RBFOX1: variants seen among roughly 807,000 people sequenced by gnomAD.
RBFOX1 encodes the protein RNA binding fox-1 homolog 1.
Under a neutral mutation model 57.7 loss-of-function variants are expected in RBFOX1, and 8 were observed. That is an observed-to-expected ratio of 0.14 (90% CI 0.08 to 0.25). The LOEUF (loss-of-function observed/expected upper bound fraction) is 0.25, where lower values mean the gene tolerates loss of function less well. RBFOX1 is among the 10% of genes least tolerant of loss of function. The pLI, the probability that RBFOX1 is intolerant of heterozygous loss-of-function variation, is 1.00. For missense variants in RBFOX1, 611 were observed against 548.5 expected, an observed-to-expected ratio of 1.11 and a Z score of -1.14; for synonymous variants, 326 against 222.4, an observed-to-expected ratio of 1.47 and a Z score of -4.15.
intron 5 of RBFOX1, among the ~76,000 whole-genome samples, chr16:7,554,235 C>T (rs1160902758): frequency 1.3e-5 from 2 of 152,218 alleles, no homozygotes; most frequent in African/African-American, 4.8e-5. Context: ...CAAAGAGTAG[C>T]AGGCAAAGGA....
At chr16:6,738,079 TA>T (rs60577324) in intron 3 of RBFOX1, among the ~76,000 whole-genome samples, 31,607 of 140,096 alleles carry the variant, frequency 0.23, 3,862 homozygotes, top group South Asian at 0.32. Flanking sequence ...CGGTAATTCT[TA>T]AAAAAAAAAA....
intron 4 of RBFOX1, among the ~76,000 whole-genome samples, chr16:7,172,104 A>C (rs2080818641): frequency 6.6e-6 from 1 of 152,226 alleles, no homozygotes; most frequent in Non-Finnish European, 1.5e-5. Context: ...CTCATCTGTA[A>C]AATGAAACAT....
At chr16:6,282,681 C>T (rs972177475) in intron 1 of RBFOX1, among the ~76,000 whole-genome samples, 8 of 152,030 alleles carry the variant, frequency 5.3e-5, no homozygotes, top group Non-Finnish European at 1.2e-4. Flanking sequence ...ATGATGGTTT[C>T]CAGCTTCATC....
Position 5,985,118 on chromosome 16 carries a change from C to G in RBFOX1, c.351+117783C>G, listed in dbSNP as rs2060260764. 8.0e-5 allele frequency among the ~76,000 whole-genome samples: 12 copies of G among 150,586 alleles called. No individual in the cohort carries two copies. In the South Asian group the frequency reaches 2.6e-3, roughly 32 times the overall value. Reference sequence around the variant, plus strand: ...CTCCTGTCTCAGCCTCCTGAGTAGCCAGGACTACAGGCACCCGCCACCATA... The same window carrying G: ...CTCCTGTCTCAGCCTCCTGAGTAGCGAGGACTACAGGCACCCGCCACCATA... On this transcript the variant is annotated intron_variant, in intron 4 of 19. Transcript: ENST00000641259.
intron 3 of RBFOX1, among the ~76,000 whole-genome samples, chr16:5,732,483 T>C (rs2052414682): frequency 6.6e-6 from 1 of 152,110 alleles, no homozygotes; most frequent in South Asian, 2.1e-4. Context: ...CTAGGGCACT[T>C]GTCAAAATGT....
intron 1 of RBFOX1, among the ~76,000 whole-genome samples, chr16:6,021,533 G>A (rs1437843505): frequency 6.6e-6 from 1 of 152,224 alleles, no homozygotes; most frequent in Non-Finnish European, 1.5e-5. Flanking sequence ...AAAAAGTGGG[G>A]CTGACTCAAA....
intron 2 of RBFOX1, among the ~76,000 whole-genome samples, chr16:6,619,410 G>C (rs1006180206): frequency 6.6e-6 from 1 of 152,156 alleles, no homozygotes; most frequent in African/African-American, 2.4e-5. Flanking sequence ...GCTTGTTGAT[G>C]TTCCCTTTTT....
At chr16:5,861,961 T>G (rs796473965) in intron 3 of RBFOX1, among the ~76,000 whole-genome samples, 2 of 152,126 alleles carry the variant, frequency 1.3e-5, no homozygotes, top group Non-Finnish European at 2.9e-5. Context: ...GTACGTGAGA[T>G]TAAAGTTTTA....
At position 7,033,541 on chromosome 16, in the gene RBFOX1, A is replaced by G. The variant is rs376336772; in HGVS notation, c.-15-18516A>G. Among the ~76,000 whole-genome samples, 50 of 152,312 alleles carry G rather than the reference A, an allele frequency of 3.3e-4. No individual in the cohort carries two copies. The East Asian group carries it at 3.5e-3, about 11-fold the overall frequency. On this transcript the variant is annotated intron_variant, in intron 3 of 15. Transcript: ENST00000550418. ...TCTCAAAAACTGAAAACAATGGTGAATGTGAACGTCCTTTAAGAGGACAGA... is the reference window on the plus strand; with the variant it reads ...TCTCAAAAACTGAAAACAATGGTGAGTGTGAACGTCCTTTAAGAGGACAGA...
chr16:5,998,478 G>T (rs914760625), intron 4 of RBFOX1, among the ~76,000 whole-genome samples: 1 of 152,226 alleles, frequency 6.6e-6, no homozygotes, highest in Non-Finnish European at 1.5e-5. Flanking sequence ...ACTAGAAGAG[G>T]CTTCGGACAT....
At chr16:6,781,754 G>T (rs1329352506) in intron 3 of RBFOX1, among the ~76,000 whole-genome samples, 5 of 151,980 alleles carry the variant, frequency 3.3e-5, no homozygotes, top group Non-Finnish European at 7.4e-5. Context: ...AATTTCTGTG[G>T]TATCTGTTTT....
At chr16:5,830,322 C>T (rs529892919) in intron 3 of RBFOX1, among the ~76,000 whole-genome samples, 30 of 151,960 alleles carry the variant, frequency 2.0e-4, no homozygotes, top group African/African-American at 7.2e-4. Context: ...ATCCAATTGT[C>T]TAACAGGCCT....
intron 1 of RBFOX1, among the ~76,000 whole-genome samples, chr16:5,242,502 C>T (rs1014889135): frequency 6.6e-6 from 1 of 152,208 alleles, no homozygotes; most frequent in Admixed American, 6.5e-5. Context: ...TGGGAATACT[C>T]TCTTTGAAGA....
At chr16:6,782,870 C>G (rs1163109004) in intron 3 of RBFOX1, among the ~76,000 whole-genome samples, 2 of 152,118 alleles carry the variant, frequency 1.3e-5, no homozygotes, top group South Asian at 2.1e-4. Flanking sequence ...GTCTGTTTCT[C>G]TCTTTATCTC....
chr16:7,338,946 A>G (rs1479050119), intron 4 of RBFOX1, among the ~76,000 whole-genome samples: 1 of 152,214 alleles, frequency 6.6e-6, no homozygotes, highest in Non-Finnish European at 1.5e-5. Flanking sequence ...CACACCTGAT[A>G]TAAATGCTGG....
chr16:5,657,022 C>T (rs898815725), intron 3 of RBFOX1, among the ~76,000 whole-genome samples: 1 of 152,120 alleles, frequency 6.6e-6, no homozygotes, highest in Non-Finnish European at 1.5e-5. Context: ...ATGGGTGCAG[C>T]AGACCAACAT....
intron 4 of RBFOX1, among the ~76,000 whole-genome samples, chr16:7,107,975 C>T (rs750547271): frequency 6.8e-6 from 1 of 147,648 alleles, no homozygotes; most frequent in African/African-American, 2.5e-5. Flanking sequence ...TTGAAAAATG[C>T]AATTGACCTA....
chr16:6,735,654 G>T (rs1269843887), intron 3 of RBFOX1, among the ~76,000 whole-genome samples: 1 of 152,094 alleles, frequency 6.6e-6, no homozygotes, highest in Non-Finnish European at 1.5e-5. Context: ...AAAATGTTTG[G>T]GTAACAATGC....
intron 2 of RBFOX1, among the ~76,000 whole-genome samples, chr16:6,638,855 C>T (rs2098464740): frequency 1.3e-5 from 2 of 152,264 alleles, no homozygotes; most frequent in African/African-American, 2.4e-5. Flanking sequence ...ATAAAGGTTG[C>T]ATTCCTGAAA....
Sources: allele counts gnomAD v4.1 joint callset (sites outside exome capture counted in the v4.1 genomes callset), GRCh38; gene constraint gnomAD v4.1.1; transcripts MANE v1.5; gene names NCBI Gene and HGNC (gene_info 2026-07-23, HGNC 2026-07-21).